SLC25A10: variants seen among roughly 807,000 people sequenced by gnomAD.
SLC25A10 encodes solute carrier family 25 member 10, also known as mitochondrial dicarboxylate carrier.
SLC25A10 carries 32 observed loss-of-function variants against 40.4 expected under a neutral mutation model. That is an observed-to-expected ratio of 0.79 (90% CI 0.60 to 1.06). The LOEUF is 1.06. Ranked by LOEUF, SLC25A10 falls within the 50% of genes least tolerant of loss-of-function variation. The pLI is 0.00. For missense variants in SLC25A10, 394 were observed against 402.6 expected (o/e 0.98, Z 0.18); for synonymous variants, 181 against 171.1 (o/e 1.06, Z -0.45).
chr17:81,720,012 A>C lies in SLC25A10; in HGVS notation c.799A>C (p.Thr267Pro). 2 of 1,613,442 alleles carry C rather than the reference A, an allele frequency of 1.2e-6. No individual in the cohort carries two copies. Among genetic ancestry groups the C allele is most frequent in the Admixed American group, 3.3e-5 (2 of 59,994 alleles). Residue 267 changes from threonine (T) to proline (P), a missense_variant, in exon 11 of 11, where the codon ACC (threonine) becomes CCC (proline). Transcript: ENST00000350690. ...VPAGIRLIPH[T>P]VLTFVFLEQL... is the part of the protein sequence containing the mutation. ...AGCTGGCATCCGCCTCATCCCCCAC[A>C]CCGTGCTCACTTTTGTGTTTCTGGA...
At chr17:81,714,282 G>A (rs1598210599) in intron 1 of SLC25A10, among the ~76,000 whole-genome samples, 2 of 152,212 alleles carry the variant, frequency 1.3e-5, no homozygotes, top group African/African-American at 2.4e-5. Context: ...CCCTACTGCC[G>A]GGAGCTCTCA....
intron 9 of SLC25A10, 119 bp downstream of exon 9, chr17:81,717,980 C>T (rs1178360260): frequency 2.7e-6 from 2 of 733,640 alleles, no homozygotes; most frequent in Non-Finnish European, 4.7e-6. Flanking sequence ...TTCTAGTTGC[C>T]TGTCTCTGCA....
At chr17:81,713,001 G>A (rs1020518937) in intron 1 of SLC25A10, among the ~76,000 whole-genome samples, 3 of 152,156 alleles carry the variant, frequency 2.0e-5, no homozygotes, top group African/African-American at 7.2e-5. Flanking sequence ...TTAGCACACC[G>A]CCGGACGTGT....
At position 81,720,018 on chromosome 17, in the gene SLC25A10, C is replaced by T. The variant is rs2037562096; in HGVS notation, c.805C>T (p.Leu269Phe). 6.2e-7 allele frequency: 1 copy of T among 1,613,794 alleles called. No individual in the cohort carries two copies. The highest frequency in any genetic ancestry group is 8.5e-7 in the Non-Finnish European group (1 of 1,180,022). ...CATCCGCCTCATCCCCCACACCGTGCTCACTTTTGTGTTTCTGGAACAGCT... is the reference window on the plus strand; with the variant it reads ...CATCCGCCTCATCCCCCACACCGTGTTCACTTTTGTGTTTCTGGAACAGCT... ...AGIRLIPHTV[L>F]TFVFLEQLRK... Residue 269 changes from leucine to phenylalanine, a missense_variant, in exon 11 of 11, where the codon CTC becomes TTC. Coordinates refer to ENST00000350690, the MANE Select transcript of SLC25A10 (RefSeq NM_012140.5).
chr17:81,712,616 C>T (rs1307029416), intron 1 of SLC25A10, 97 bp downstream of exon 1: 2 of 886,798 alleles, frequency 2.3e-6, no homozygotes, highest in East Asian at 3.5e-5. Context: ...CGGGGATCGC[C>T]GCGCCCGGGG....
rs530871370 is a variant in SLC25A10, at chr17:81,720,705, C to G, written c.*628C>G. ...TGAGGGTCGAGGGCCACCGAGGTCCCGCGCACCGCTGCCTGCCCTGCAGTG... is the reference window on the plus strand; with the variant it reads ...TGAGGGTCGAGGGCCACCGAGGTCCGGCGCACCGCTGCCTGCCCTGCAGTG... On this transcript the variant is annotated 3_prime_UTR_variant, in exon 11 of 11. Coordinates refer to ENST00000350690, the MANE Select transcript of SLC25A10 (RefSeq NM_012140.5). The G allele has an allele frequency of 2.4e-6, 1 of 417,164 alleles. No homozygotes were observed. Among genetic ancestry groups the G allele is most frequent in the Non-Finnish European group, 4.1e-6 (1 of 243,314 alleles). 25.8% of individuals were successfully genotyped at this position (417,164 alleles called of 1,614,324 possible).
Position 81,713,817 on chromosome 17 carries a change from C to A in SLC25A10, c.94-1136C>A, listed in dbSNP as rs573690068. On this transcript the variant is annotated intron_variant, in intron 1 of 10. Coordinates refer to ENST00000350690, the MANE Select transcript of SLC25A10 (RefSeq NM_012140.5). ...CCCCTTGGCCCTCCCCAACCAGGCG[C>A]TCTCTGGCTGCAGAACACCGCCTGG... Among the ~76,000 whole-genome samples, 3 of 152,336 alleles carry A rather than the reference C, an allele frequency of 2.0e-5. No homozygotes were observed. In the East Asian group the frequency reaches 5.8e-4, roughly 29 times the overall value.
intron 7 of SLC25A10, 45 bp downstream of exon 7, chr17:81,717,117 C>T: frequency 5.1e-6 from 8 of 1,583,080 alleles, no homozygotes; most frequent in Non-Finnish European, 6.9e-6. Flanking sequence ...CCTGTGACCA[C>T]TGACCTCCAT....
intron 1 of SLC25A10, among the ~76,000 whole-genome samples, chr17:81,714,729 G>A (rs1272712768): frequency 6.6e-6 from 1 of 152,354 alleles, no homozygotes; most frequent in Admixed American, 6.5e-5. Flanking sequence ...GGTGGTACGC[G>A]GGGCGCTCGC....
chr17:81,715,869 G>A (rs1018895140), intron 4 of SLC25A10, 128 bp downstream of exon 4: 1 of 1,436,360 alleles, frequency 7.0e-7, no homozygotes, highest in African/African-American at 1.4e-5. Flanking sequence ...GGTGTCCTGG[G>A]CATAGGAGGG....
intron 5 of SLC25A10, 63 bp from the exon 6 acceptor site, chr17:81,716,749 G>A (rs766120276): frequency 9.7e-6 from 15 of 1,542,162 alleles, no homozygotes; most frequent in Non-Finnish European, 1.3e-5. Context: ...GGGCCTGGGA[G>A]GACCCTCTGT....
intron 1 of SLC25A10, chr17:81,713,187 C>G (rs1052894970): frequency 3.3e-5 from 5 of 151,898 alleles, no homozygotes; most frequent in African/African-American, 1.2e-4. Context: ...CGAGAAGCAG[C>G]CACCGTTTTT....
rs372617401 is a variant in SLC25A10 at position 81,715,543 on chromosome 17, C to G, written c.279C>G (p.Ser93Arg). The G allele has an allele frequency of 3.0e-5, 48 of 1,612,956 alleles. No homozygotes were observed. Among genetic ancestry groups the G allele is most frequent in the African/African-American group, 2.4e-4 (18 of 75,058 alleles). ...TGCGGGACCGTGTGGCCAAGGGCAG[C>G]CAGGGGCCTCTCCCCTTCCACGAGA... ...ETVRDRVAKG[S>R]QGPLPFHEKV... Residue 93 changes from serine to arginine, a missense_variant, in exon 3 of 11, where the codon AGC becomes AGG. Physicochemically the swap from Ser to Arg is moderately radical, Grantham distance 110. Coordinates refer to ENST00000350690, the MANE Select transcript of SLC25A10 (RefSeq NM_012140.5).
At chr17:81,713,754 C>T (rs1598760249) in intron 1 of SLC25A10, among the ~76,000 whole-genome samples, 1 of 152,236 alleles carries the variant, frequency 6.6e-6, no homozygotes, top group African/African-American at 2.4e-5. Context: ...GCGGGACCTG[C>T]GTGCTGCTGT....
intron 5 of SLC25A10, chr17:81,716,592 CTG>C: frequency 1.7e-6 from 1 of 597,238 alleles, no homozygotes; most frequent in Non-Finnish European, 3.0e-6. Flanking sequence ...GCCAGGGACT[CTG>C]TTGGAAACGA....
chr17:81,714,823 G>C (rs2037449338), intron 1 of SLC25A10, 130 bp from the exon 2 acceptor site: 2 of 1,266,790 alleles, frequency 1.6e-6, no homozygotes, highest in Admixed American at 4.2e-5. Flanking sequence ...CCAGGCACGG[G>C]TGTGGAGTCC....
rs1033652850 is a variant in SLC25A10, at chr17:81,712,348, CG to C, written c.-75del. 68 of 976,628 alleles carry C rather than the reference CG, an allele frequency of 7.0e-5. No homozygotes were observed. Among genetic ancestry groups the C allele is most frequent in the Admixed American group, 4.6e-4 (10 of 21,752 alleles). 60.5% of individuals were successfully genotyped at this position (976,628 alleles called of 1,614,324 possible). On this transcript the variant is annotated 5_prime_UTR_variant, in exon 1 of 11. Coordinates refer to ENST00000350690, the MANE Select transcript of SLC25A10 (RefSeq NM_012140.5). ...TGAACCGGGCGCGGGGCGCGGGGCG[CG>C]GGGCGCTGCGGCCGGTACACGCCGG... is the stretch of plus-strand genomic sequence containing the variant.
chr17:81,714,995 G>A lies in SLC25A10; in HGVS notation c.136G>A (p.Gly46Ser). 4 of 1,609,912 alleles carry A rather than the reference G, an allele frequency of 2.5e-6. No homozygotes were observed. Among genetic ancestry groups the A allele is most frequent in the Non-Finnish European group, 3.4e-6 (4 of 1,179,932 alleles). ...TQQEVKLRMT[G>S]MALRVVRTDG... ...GCAGGAGGTGAAGCTGCGCATGACG[G>A]GCATGGCGCTGCGGGTGGTGCGTAC... is the stretch of plus-strand genomic sequence containing the variant. Residue 46 changes from glycine (G) to serine (S), a missense_variant, in exon 2 of 11, where the codon GGC (glycine) becomes AGC (serine). Coordinates refer to ENST00000350690, the MANE Select transcript of SLC25A10 (RefSeq NM_012140.5).
chr17:81,717,394 T>C lies in SLC25A10; in HGVS notation c.535-5T>C, dbSNP rs764083553. ...ACAGCCCTGACCGCCCTTGTGCCCC[T>C]GCAGCTGTCCTGCTACGACCAGGCC... On this transcript the variant is annotated splice_polypyrimidine_tract_variant and splice_region_variant and intron_variant, in intron 7 of 10. Coordinates refer to ENST00000350690, the MANE Select transcript of SLC25A10 (RefSeq NM_012140.5). 7 of 1,613,110 alleles carry C rather than the reference T, an allele frequency of 4.3e-6. No homozygotes were observed. The African/African-American group carries it at 8.0e-5, about 18-fold the overall frequency.
Sources: allele counts gnomAD v4.1 joint callset (sites outside exome capture counted in the v4.1 genomes callset), GRCh38; gene constraint gnomAD v4.1.1; transcripts MANE v1.5; gene names NCBI Gene and HGNC (gene_info 2026-07-23, HGNC 2026-07-21).